Variants in HIVEP3 observed in about 807,000 individuals in gnomAD.
HIVEP3 encodes transcription factor HIVEP3.
Under a neutral mutation model 152.8 loss-of-function variants are expected in HIVEP3, and 49 were observed. The ratio of observed to expected loss-of-function variants is 0.32; its 90% confidence interval spans 0.26 to 0.41. The LOEUF is 0.41. HIVEP3 is among the 10% of genes least tolerant of loss of function. HIVEP3 has a pLI of 1.00. For missense variants in HIVEP3, 2,790 were observed against 3,103.3 expected (o/e 0.90, Z 2.40); for synonymous variants, 1,269 against 1,289.0 (o/e 0.98, Z 0.33).
chr1:41,512,640 G>A (rs1642461393), intron 8 of HIVEP3, among the ~76,000 whole-genome samples, 176 bp downstream of exon 8: 1 of 152,208 alleles, frequency 6.6e-6, no homozygotes, highest in South Asian at 2.1e-4. Context: ...GCTGATTTAG[G>A]GCAGCCAGCA....
intron 2 of HIVEP3, among the ~76,000 whole-genome samples, chr1:41,643,524 G>T (rs148850834): frequency 1.3e-5 from 2 of 152,164 alleles, no homozygotes; most frequent in African/African-American, 4.8e-5. Flanking sequence ...GTGTTGCCCT[G>T]ACACCACCAT....
intron 1 of HIVEP3, among the ~76,000 whole-genome samples, chr1:41,708,057 T>C (rs1322582812): frequency 2.0e-5 from 3 of 152,270 alleles, no homozygotes; most frequent in African/African-American, 2.4e-5. Flanking sequence ...GACTGGGAGA[T>C]GCCAGGAGGG....
At chr1:41,959,113 A>G (rs1024329896) in intron 1 of HIVEP3, among the ~76,000 whole-genome samples, 1 of 152,184 alleles carries the variant, frequency 6.6e-6, no homozygotes, top group Admixed American at 6.5e-5. Flanking sequence ...CCACAGGCCC[A>G]ACAGCAGGAG....
upstream of HIVEP3, among the ~76,000 whole-genome samples, chr1:41,921,682 A>G (rs963970882): frequency 6.7e-6 from 1 of 148,250 alleles, no homozygotes; most frequent in Admixed American, 6.7e-5. Context: ...GAAAATCCCA[A>G]ACTCAGAGAA....
intron 4 of HIVEP3, among the ~76,000 whole-genome samples, chr1:41,579,532 T>C (rs1406354412): frequency 6.6e-6 from 1 of 152,222 alleles, no homozygotes; most frequent in Non-Finnish European, 1.5e-5. Flanking sequence ...AGTGTATCTA[T>C]TCCAATGATA....
chr1:41,838,450 A>G (rs1643191459), intron 1 of HIVEP3, among the ~76,000 whole-genome samples: 1 of 151,886 alleles, frequency 6.6e-6, no homozygotes, highest in African/African-American at 2.4e-5. Context: ...ACCACATGGC[A>G]TTGCTGTCAG....
At chr1:41,525,086 A>T (rs996071416) in intron 5 of HIVEP3, among the ~76,000 whole-genome samples, 176 bp from the exon 6 acceptor site, 1 of 152,168 alleles carries the variant, frequency 6.6e-6, no homozygotes, top group Non-Finnish European at 1.5e-5. Flanking sequence ...CTGGTGATCC[A>T]CTGCGGACCC....
At chr1:41,669,066 G>A (rs1293126597) in intron 2 of HIVEP3, among the ~76,000 whole-genome samples, 1 of 152,120 alleles carries the variant, frequency 6.6e-6, no homozygotes, top group Non-Finnish European at 1.5e-5. Flanking sequence ...GTACCTTCCG[G>A]CCTGAAAACA....
At chr1:41,853,261 T>C (rs1470669418) in intron 1 of HIVEP3, among the ~76,000 whole-genome samples, 1 of 152,182 alleles carries the variant, frequency 6.6e-6, no homozygotes, top group Non-Finnish European at 1.5e-5. Flanking sequence ...GAGGTTCTAT[T>C]AGTCTGTTCT....
At chr1:41,986,719 C>A (rs973813161) in intron 1 of HIVEP3, among the ~76,000 whole-genome samples, 3 of 152,198 alleles carry the variant, frequency 2.0e-5, no homozygotes, top group Non-Finnish European at 4.4e-5. Context: ...GGATTACAGG[C>A]GTGAGCCACC....
chr1:41,931,962 A>G (rs1644998040), intron 1 of HIVEP3, among the ~76,000 whole-genome samples: 1 of 151,376 alleles, frequency 6.6e-6, no homozygotes. Flanking sequence ...TTATTGTACT[A>G]TAGGACTTTC....
chr1:41,615,678 G>A (rs1168358069), intron 3 of HIVEP3, among the ~76,000 whole-genome samples: 3 of 152,244 alleles, frequency 2.0e-5, no homozygotes, highest in South Asian at 2.1e-4. Flanking sequence ...GGGCAAGCCC[G>A]GTGGGGGCAG....
intron 1 of HIVEP3, among the ~76,000 whole-genome samples, chr1:41,739,061 T>G (rs1646959473): frequency 6.6e-6 from 1 of 152,188 alleles, no homozygotes; most frequent in Non-Finnish European, 1.5e-5. Flanking sequence ...CCCACTGCTT[T>G]TTGCGGAGGA....
chr1:41,810,966 C>T (rs972540055), intron 1 of HIVEP3, among the ~76,000 whole-genome samples: 2 of 152,230 alleles, frequency 1.3e-5, no homozygotes, highest in Non-Finnish European at 2.9e-5. Context: ...ATTTCTTGGC[C>T]TTGTGCCCTT....
chr1:41,524,941 A>C, intron 5 of HIVEP3, 31 bp from the exon 6 acceptor site: 1 of 1,594,906 alleles, frequency 6.3e-7, no homozygotes, highest in Non-Finnish European at 8.6e-7. Flanking sequence ...AGTAAAGGGA[A>C]AAAAAAGGAG....
rs767284451 is a variant in HIVEP3, at chr1:41,510,564, T to A, written c.7108A>T (p.Arg2370Trp). Residue 2370 changes from arginine to tryptophan, a missense_variant, in exon 9 of 9, where the codon AGG (arginine) becomes TGG (tryptophan). Arg to Trp is a moderately radical substitution (Grantham distance 101, BLOSUM62 -3). This residue lies in a region of HIVEP3 where 816 missense variants were observed against 806.5 expected (regional missense o/e 1.01). Transcript: ENST00000372583. Reference sequence around the variant, plus strand: ...GTCCTGGGTTCCCCGGAGAGGTTCCTCGTCCGGGCTGGGAAGCGGGCAGAG... The same window carrying A: ...GTCCTGGGTTCCCCGGAGAGGTTCCACGTCCGGGCTGGGAAGCGGGCAGAG... ...EASARFPART[R>W]NLSGEPRTRQ... 12 of 1,566,396 alleles carry A rather than the reference T, an allele frequency of 7.7e-6. No individual in the cohort carries two copies. Among genetic ancestry groups the A allele is most frequent in the Non-Finnish European group, 1.0e-5 (12 of 1,155,642 alleles).
intron 3 of HIVEP3, among the ~76,000 whole-genome samples, chr1:41,589,231 G>A (rs1290873540): frequency 6.6e-6 from 1 of 152,186 alleles, no homozygotes; most frequent in Non-Finnish European, 1.5e-5. Context: ...GACCAGAAGA[G>A]GATGGACAGC....
rs530125406 is a variant in HIVEP3 at position 41,896,151 on chromosome 1, T to C, written c.-801+22262A>G. ...TCTGCCACTTACTAGCTCTGTGACA[T>C]GTGGCGAATCCCTGGACCTTTCTAT... On this transcript the variant is annotated intron_variant, in intron 1 of 8. Transcript: ENST00000372583. Among the ~76,000 whole-genome samples the C allele has an allele frequency of 3.3e-5, 5 of 152,302 alleles. No homozygotes were observed. In the East Asian group the frequency reaches 9.7e-4, roughly 29 times the overall value.
At chr1:41,998,954 G>A (rs1170695615) in intron 1 of HIVEP3, among the ~76,000 whole-genome samples, 1 of 125,314 alleles carries the variant, frequency 8.0e-6, no homozygotes, top group Non-Finnish European at 1.6e-5. Flanking sequence ...GGAGCGCAAT[G>A]GTGCGATCTC....
Sources: gnomAD v4.1 joint callset for allele counts (sites outside exome capture counted in the v4.1 genomes callset) on GRCh38, gnomAD v4.1.1 for gene constraint, gnomAD v4.1.1 regional missense constraint, MANE v1.5 for transcripts, NCBI Gene and HGNC (gene_info 2026-07-23, HGNC 2026-07-21) for gene names.